Variants in HNRNPH3 observed in about 807,000 individuals in gnomAD.
HNRNPH3 encodes heterogeneous nuclear ribonucleoprotein 2H9.
In HNRNPH3, 7 loss-of-function variants were observed where a neutral mutation model predicts 47.0. The ratio of observed to expected loss-of-function variants is 0.15; its 90% CI spans 0.08 to 0.28. The LOEUF is 0.28. Among genes scored for constraint, HNRNPH3 ranks in the 10% least tolerant of loss-of-function variants. The pLI is 1.00. For synonymous variants in HNRNPH3, 120 were observed against 143.2 expected, an observed-to-expected ratio of 0.84 and a Z score of 1.16; for missense variants, 279 against 449.6, an observed-to-expected ratio of 0.62 and a Z score of 3.43.
At chr10:68,341,564 C>T (rs752092663) in intron 7 of HNRNPH3, 21 bp from the exon 8 acceptor site, 1 of 1,499,648 alleles carries the variant, frequency 6.7e-7, no homozygotes, top group Non-Finnish European at 9.2e-7. Flanking sequence ...TCCCCTGTTA[C>T]TCTTTCTTTT....
At chr10:68,336,708 CTG>C (rs2045563084) in intron 1 of HNRNPH3, 1 of 152,462 alleles carries the variant, frequency 6.6e-6, no homozygotes, top group South Asian at 2.1e-4. Context: ...GGTTAGACTT[CTG>C]TGATATTTGT....
rs148158270 is a variant in HNRNPH3 at position 68,338,199 on chromosome 10, C to T, written c.251+203C>T. On this transcript the variant is annotated intron_variant, in intron 3 of 9. Transcript: ENST00000265866. ...AATTAAAATTAGATTGTTTCCATTTCTCTGTAGGATGTTGTTGATAAATGC... is the reference window on the plus strand; with the variant it reads ...AATTAAAATTAGATTGTTTCCATTTTTCTGTAGGATGTTGTTGATAAATGC... 3.4e-3 allele frequency: 1,619 copies of T among 475,170 alleles called. 23 individuals are homozygous for T. Among genetic ancestry groups the T allele is most frequent in the African/African-American group, 0.028 (1,427 of 51,742 alleles). 29.4% of individuals were successfully genotyped at this position (475,170 alleles called of 1,614,324 possible). A position where few individuals can be genotyped will look rare whatever the true frequency, so the allele number is the denominator to read the frequency against.
chr10:68,332,706 G>C (rs1038139970), intron 1 of HNRNPH3: 2 of 152,444 alleles, frequency 1.3e-5, no homozygotes, highest in Non-Finnish European at 2.9e-5. Context: ...TGCCGGGCGC[G>C]CTCCCGATGG....
chr10:68,333,326 T>C (rs1297381392), intron 1 of HNRNPH3, among the ~76,000 whole-genome samples: 1 of 152,086 alleles, frequency 6.6e-6, no homozygotes, highest in African/African-American at 2.4e-5. Context: ...TAGTTTGGCG[T>C]ATATATGTTA....
rs904263895 is a variant in HNRNPH3, at chr10:68,339,053, T to G, written c.437-87T>G. 1.6e-5 allele frequency: 17 copies of G among 1,073,990 alleles called. No individual in the cohort carries two copies. In the African/African-American group the frequency reaches 2.7e-4, roughly 17 times the overall value. 66.5% of individuals were successfully genotyped at this position (1,073,990 alleles called of 1,614,324 possible). A position where few individuals can be genotyped will look rare whatever the true frequency, so the allele number is the denominator to read the frequency against. ...AAACTTGCAATCAAGTTACACAGAC[T>G]GTTACCACAAAATGTTTTTGTAAAC... On this transcript the variant is annotated intron_variant, in intron 4 of 9. Transcript: ENST00000265866.
chr10:68,332,489 C>T (rs1432221721), intron 1 of HNRNPH3, among the ~76,000 whole-genome samples: 1 of 152,240 alleles, frequency 6.6e-6, no homozygotes, highest in Non-Finnish European at 1.5e-5. Context: ...TCCCTGCTGG[C>T]TTGGCCTCCG....
intron 6 of HNRNPH3, among the ~76,000 whole-genome samples, chr10:68,339,828 G>A (rs936125507): frequency 5.3e-5 from 8 of 151,322 alleles, no homozygotes; most frequent in African/African-American, 1.5e-4. Context: ...ATAGGTGCCC[G>A]CCACCACGCC....
intron 1 of HNRNPH3, among the ~76,000 whole-genome samples, chr10:68,336,160 GAACA>G (rs2045534813): frequency 2.0e-5 from 3 of 149,486 alleles, no homozygotes; most frequent in Admixed American, 6.8e-5. Context: ...GGAATCAAAT[GAACA>G]AACTTTGTTT....
Position 68,342,193 on chromosome 10 carries a change from A to G in HNRNPH3, c.*139A>G. 1 of 590,392 alleles carries G rather than the reference A, an allele frequency of 1.7e-6. No individual in the cohort carries two copies. Among genetic ancestry groups the G allele is most frequent in the Non-Finnish European group, 2.9e-6 (1 of 347,734 alleles). 36.6% of individuals were successfully genotyped at this position (590,392 alleles called of 1,614,324 possible). A position where few individuals can be genotyped will look rare whatever the true frequency, so the allele number is the denominator to read the frequency against. On this transcript the variant is annotated 3_prime_UTR_variant, in exon 10 of 10. Transcript: ENST00000265866. The stretch of plus-strand genomic sequence containing the variant: ...TTTCAAAATATTATTTGGTAAAGCA[A>G]CAGATTGTGATGGGAAAATGTTTTC...
At chr10:68,333,681 C>A (rs1272773145) in intron 1 of HNRNPH3, among the ~76,000 whole-genome samples, 1 of 151,972 alleles carries the variant, frequency 6.6e-6, no homozygotes, top group East Asian at 1.9e-4. Context: ...GAACTGGATC[C>A]GTAATTTTCA....
chr10:68,339,273 A>T (rs1446726324), intron 5 of HNRNPH3, 47 bp downstream of exon 5: 22 of 1,584,380 alleles, frequency 1.4e-5, no homozygotes, highest in Non-Finnish European at 1.7e-5. Context: ...AAATTTTAGT[A>T]TTTGCTTTGC....
Position 68,335,043 on chromosome 10 carries a change from G to A in HNRNPH3, c.-23-2156G>A, listed in dbSNP as rs534979250. Among the ~76,000 whole-genome samples, 11 of 152,206 alleles carry A rather than the reference G, an allele frequency of 7.2e-5. No homozygotes were observed. The South Asian group carries it at 2.3e-3, about 32-fold the overall frequency. ...AAATAGATTAAGTGTTCCGAGTTCGGTTGGGTTTTCCGCAATTAAAAATTG... is the reference window on the plus strand; with the variant it reads ...AAATAGATTAAGTGTTCCGAGTTCGATTGGGTTTTCCGCAATTAAAAATTG... On this transcript the variant is annotated intron_variant, in intron 1 of 9. Transcript: ENST00000265866.
In HNRNPH3 at chr10:68,337,766, T is replaced by TTTTGC; in HGVS notation, c.113-90_113-89insTGCTT. 2 of 1,187,226 alleles carry TTTTGC rather than the reference T, an allele frequency of 1.7e-6. No individual in the cohort carries two copies. The highest frequency in any genetic ancestry group is 3.3e-5 in the South Asian group (2 of 60,898). The allele number at this position is 1,187,226 out of a possible 1,614,324, so 73.5% of individuals were successfully genotyped here. On this transcript the variant is annotated intron_variant, in intron 2 of 9. Coordinates refer to ENST00000265866, the MANE Select transcript of HNRNPH3 (RefSeq NM_012207.3). The surrounding 1 kb of genome is among the most constrained non-coding windows in gnomAD (Gnocchi z 4.5). ...AGCTTTTTTGTTTTGTTTTGTTTTG[T>TTTTGC]TTAGACTTGTTTTAAATATTTGATT...
Position 68,339,032 on chromosome 10 carries a change from T to C in HNRNPH3, c.437-108T>C, listed in dbSNP as rs1018991636. Reference sequence around the variant, plus strand: ...AGGTTTTAAGTTGGGAATTGCAAACTTGCAATCAAGTTACACAGACTGTTA... The same window carrying C: ...AGGTTTTAAGTTGGGAATTGCAAACCTGCAATCAAGTTACACAGACTGTTA... On this transcript the variant is annotated intron_variant, in intron 4 of 9. Transcript: ENST00000265866. 7 of 816,052 alleles carry C rather than the reference T, an allele frequency of 8.6e-6. No homozygotes were observed. The African/African-American group carries it at 1.2e-4, about 14-fold the overall frequency. The allele number at this position is 816,052 out of a possible 1,614,324, so 50.6% of individuals were successfully genotyped here.
intron 1 of HNRNPH3, among the ~76,000 whole-genome samples, chr10:68,334,597 C>T (rs2045433937): frequency 3.3e-5 from 5 of 152,180 alleles, no homozygotes; most frequent in Admixed American, 2.0e-4. Context: ...CCTCCCTCCC[C>T]TCAAGCCTCA....
At chr10:68,339,661 T>C in intron 6 of HNRNPH3, 106 bp downstream of exon 6, 1 of 689,302 alleles carries the variant, frequency 1.5e-6, no homozygotes, top group Non-Finnish European at 2.5e-6. Flanking sequence ...CAAAATCCCT[T>C]GAATATAAAA....
Position 68,341,318 on chromosome 10 carries a change from T to TGTC in HNRNPH3, c.775+10_775+12dup. On this transcript the variant is annotated intron_variant, in intron 7 of 9. Coordinates refer to ENST00000265866, the MANE Select transcript of HNRNPH3 (RefSeq NM_012207.3). ...AGATAAAAATAACATGCGTAAGTGGTGTCTTTGGCACACAATCTTATTTCC... is the reference window on the plus strand; with the variant it reads ...AGATAAAAATAACATGCGTAAGTGGTGTCGTCTTTGGCACACAATCTTATTTCC... 1.3e-6 allele frequency: 2 copies of TGTC among 1,596,628 alleles called. No individual in the cohort carries two copies. Among genetic ancestry groups the TGTC allele is most frequent in the Non-Finnish European group, 1.7e-6 (2 of 1,175,680 alleles).
intron 7 of HNRNPH3, 122 bp from the exon 8 acceptor site, chr10:68,341,463 C>T (rs1278454425): frequency 1.0e-6 from 1 of 988,762 alleles, no homozygotes; most frequent in Non-Finnish European, 1.5e-6. Context: ...TATCGCTGTA[C>T]TAGTAATTAA....
At chr10:68,341,719 A>G (rs1201982307) in intron 8 of HNRNPH3, 39 bp downstream of exon 8, 2 of 1,586,604 alleles carry the variant, frequency 1.3e-6, no homozygotes, top group East Asian at 4.5e-5. Context: ...TTAGCTGCTT[A>G]TCGATGAGTC....
Sources: gnomAD v4.1 joint callset for allele counts (sites outside exome capture counted in the v4.1 genomes callset) on GRCh38, gnomAD v4.1.1 for gene constraint, Gnocchi (gnomAD v3.1) non-coding constraint, MANE v1.5 for transcripts, NCBI Gene and HGNC (gene_info 2026-07-23, HGNC 2026-07-21) for gene names.